The following ATRN variants were observed in gnomAD, a reference collection of about 807,000 sequenced individuals.
The protein encoded by ATRN is attractin-2.
Under a neutral mutation model 178.7 loss-of-function variants are expected in ATRN, and 54 were observed. The ratio of observed to expected loss-of-function variants is 0.30; its 90% CI spans 0.24 to 0.38. The LOEUF (loss-of-function observed/expected upper bound fraction) is 0.38, where lower values mean the gene tolerates loss of function less well. Ranked by LOEUF, ATRN falls within the 10% of genes least tolerant of loss-of-function variation. The probability of loss-of-function intolerance (pLI) is 1.00; values close to 1 mark genes in which losing one functional copy is unlikely to be tolerated. For synonymous variants in ATRN, 636 were observed against 663.0 expected, an observed-to-expected ratio of 0.96 and a Z score of 0.63; for missense variants, 1,443 against 1,815.1, an observed-to-expected ratio of 0.79 and a Z score of 3.73.
intron 1 of ATRN, chr20:3,491,055 T>A (rs371269453): frequency 3.2e-6 from 3 of 944,472 alleles, no homozygotes; most frequent in East Asian, 2.4e-5. Flanking sequence ...AGTTGTTTGC[T>A]GCTGGTTAAA....
Position 3,549,309 on chromosome 20 carries a change from C to T in ATRN, c.1083C>T (p.Phe361=), listed in dbSNP as rs775631692. 1 of 1,604,004 alleles carries T rather than the reference C, an allele frequency of 6.2e-7. No individual in the cohort carries two copies. Among genetic ancestry groups the T allele is most frequent in the East Asian group, 2.3e-5 (1 of 44,274 alleles). The change falls in exon 6 of 29, where the codon TTC becomes TTT. Residue 361 remains phenylalanine (F), a synonymous_variant. Transcript: ENST00000262919. ...TGTGGGTTGTTGGAGGATATATGTT[C>T]AACCACTCAGATTATAACATGGTTC... The part of the protein sequence containing the change: ...NIMWVVGGYM[F]NHSDYNMVLA...
At chr20:3,605,161 A>G (rs1166080475) in intron 24 of ATRN, among the ~76,000 whole-genome samples, 1 of 152,202 alleles carries the variant, frequency 6.6e-6, no homozygotes, top group African/African-American at 2.4e-5. Flanking sequence ...AAAAAGTTCA[A>G]CATCACTGAT....
chr20:3,605,373 A>G (rs1029314171), intron 24 of ATRN, among the ~76,000 whole-genome samples: 2 of 152,182 alleles, frequency 1.3e-5, no homozygotes, highest in African/African-American at 4.8e-5. Flanking sequence ...TAGAGGCAGA[A>G]ATACCATTTG....
chr20:3,564,781 C>T (rs942398907), intron 10 of ATRN, among the ~76,000 whole-genome samples: 3 of 152,062 alleles, frequency 2.0e-5, no homozygotes, highest in Non-Finnish European at 4.4e-5. Context: ...AAAAAACATT[C>T]TTGGCTGGGC....
In ATRN at chr20:3,647,790, T is replaced by A. The variant is rs1317430037; in HGVS notation, c.*943T>A. ...GATTTGCAGCCAGGAAAGAATTTTC[T>A]CACCCAAGGAACATTTGATCTAGCA... On this transcript the variant is annotated 3_prime_UTR_variant, in exon 29 of 29. Coordinates refer to ENST00000262919, the MANE Select transcript of ATRN (RefSeq NM_139321.3). 2 of 152,342 alleles carry A rather than the reference T, an allele frequency of 1.3e-5. No homozygotes were observed. The highest frequency in any genetic ancestry group is 3.9e-4 in the East Asian group (2 of 5,186). The allele number at this position is 152,342 out of a possible 1,614,324, so 9.4% of individuals were successfully genotyped here. A position where few individuals can be genotyped will look rare whatever the true frequency, so the allele number is the denominator to read the frequency against.
At chr20:3,536,453 C>G (rs923731375) in intron 2 of ATRN, among the ~76,000 whole-genome samples, 2 of 152,048 alleles carry the variant, frequency 1.3e-5, no homozygotes, top group African/African-American at 4.8e-5. Flanking sequence ...TCAAGTGATC[C>G]GCCTGCCTTG....
Position 3,591,317 on chromosome 20 carries a change from T to C in ATRN, c.3322+11T>C, listed in dbSNP as rs1347685293. 2 of 1,612,968 alleles carry C rather than the reference T, an allele frequency of 1.2e-6. No homozygotes were observed. The highest frequency in any genetic ancestry group is 1.7e-4 in the Middle Eastern group (1 of 6,058). On this transcript the variant is annotated intron_variant, in intron 19 of 28. Transcript: ENST00000262919. The stretch of plus-strand genomic sequence containing the variant: ...GAGGGAAATGTCAGCGTAAGTCAAA[T>C]TGGTCAGGTTTACTCATGGCAAATC...
chr20:3,496,253 A>G (rs1051607163), intron 1 of ATRN, among the ~76,000 whole-genome samples: 3 of 150,240 alleles, frequency 2.0e-5, no homozygotes, highest in Non-Finnish European at 3.0e-5. Flanking sequence ...TAGGGTGTCA[A>G]TTTTGGATCT....
chr20:3,601,550 G>A (rs750311314), intron 23 of ATRN, among the ~76,000 whole-genome samples: 1 of 152,096 alleles, frequency 6.6e-6, no homozygotes, highest in Non-Finnish European at 1.5e-5. Flanking sequence ...AAGATCTACT[G>A]TATAGAAAAT....
At chr20:3,521,086 G>A (rs969789045) in intron 1 of ATRN, among the ~76,000 whole-genome samples, 3 of 152,136 alleles carry the variant, frequency 2.0e-5, no homozygotes, top group Admixed American at 6.6e-5. Context: ...AATAGACAGG[G>A]GGTACTACTT....
rs1264239849 is a variant in ATRN at position 3,644,289 on chromosome 20, G to GAA, written c.4165+23_4165+24dup. On this transcript the variant is annotated intron_variant, in intron 28 of 28. Transcript: ENST00000262919. ...GTCAGGTGAGTAGATGCGGTCCAGCGAAAGACACCTTCTAAGCATGTGAGG... is the reference window on the plus strand; with the variant it reads ...GTCAGGTGAGTAGATGCGGTCCAGCGAAAAAGACACCTTCTAAGCATGTGAGG... 3 of 1,559,262 alleles carry GAA rather than the reference G, an allele frequency of 1.9e-6. No individual in the cohort carries two copies. The African/African-American group carries it at 4.1e-5, about 21-fold the overall frequency.
chr20:3,624,107 A>G (rs2064945), intron 24 of ATRN, among the ~76,000 whole-genome samples: 70,842 of 152,148 alleles, frequency 0.47, 18,183 homozygotes, highest in African/African-American at 0.69. Context: ...AATGTTGACC[A>G]AATGAAGAGC....
intron 1 of ATRN, among the ~76,000 whole-genome samples, chr20:3,533,969 T>C (rs1440529033): frequency 6.6e-6 from 1 of 152,192 alleles, no homozygotes; most frequent in Non-Finnish European, 1.5e-5. Context: ...CACCTAATTT[T>C]AATTGATACA....
At chr20:3,635,973 A>G (rs2087022257) in intron 26 of ATRN, among the ~76,000 whole-genome samples, 4 of 152,238 alleles carry the variant, frequency 2.6e-5, no homozygotes, top group African/African-American at 7.2e-5. Context: ...GTAAGAAAGA[A>G]GTAAGAAGCC....
chr20:3,533,525 C>G (rs1445740394), intron 1 of ATRN, among the ~76,000 whole-genome samples: 2 of 151,302 alleles, frequency 1.3e-5, no homozygotes, highest in African/African-American at 4.8e-5. Flanking sequence ...CCCCCGTTTT[C>G]TTTTCCTCCT....
intron 1 of ATRN, 32 bp downstream of exon 1, chr20:3,471,549 C>A: frequency 7.3e-7 from 1 of 1,375,788 alleles, no homozygotes; most frequent in South Asian, 1.7e-5. Context: ...AGGGTCGGGT[C>A]CAACCAGAGG....
At chr20:3,512,382 T>C (rs966476838) in intron 1 of ATRN, among the ~76,000 whole-genome samples, 4 of 151,726 alleles carry the variant, frequency 2.6e-5, no homozygotes, top group African/African-American at 9.7e-5. Context: ...CTTGCGATAG[T>C]TTGCTGAGAA....
At position 3,590,807 on chromosome 20, in the gene ATRN, G is replaced by T. The variant is rs574486254; in HGVS notation, c.3185-362G>T. On this transcript the variant is annotated intron_variant, in intron 18 of 28. Coordinates refer to ENST00000262919, the MANE Select transcript of ATRN (RefSeq NM_139321.3). ...CTTCTGGTATAGAAAAATACCAGAA[G>T]AAAATATATCAAATGTGAACAGTGG... 3.9e-4 allele frequency among the ~76,000 whole-genome samples: 59 copies of T among 152,190 alleles called. 1 individual carries two copies. Among genetic ancestry groups the T allele is most frequent in the South Asian group, 2.1e-3 (10 of 4,820 alleles).
At position 3,630,916 on chromosome 20, in the gene ATRN, CTTTTTTT is replaced by C. The variant is rs368394749; in HGVS notation, c.3864-3353_3864-3347del. 1.7e-3 allele frequency among the ~76,000 whole-genome samples: 75 copies of C among 43,456 alleles called. 6 individuals are homozygous for C. The highest frequency in any genetic ancestry group is 5.7e-3 in the African/African-American group (58 of 10,156). The allele number at this position is 43,456 out of a possible 152,430, so 28.5% of individuals were successfully genotyped here. A position where few individuals can be genotyped will look rare whatever the true frequency, so the allele number is the denominator to read the frequency against. On this transcript the variant is annotated intron_variant, in intron 25 of 28. Transcript: ENST00000262919. ...ACCATGTCTAAAAGAATTTATTTAG[CTTTTTTT>C]TTTTTTTTTTTTTTTTTTTTTTTTT...
Sources: gnomAD v4.1 joint callset for allele counts (sites outside exome capture counted in the v4.1 genomes callset) on GRCh38, gnomAD v4.1.1 for gene constraint, MANE v1.5 for transcripts, NCBI Gene and HGNC (gene_info 2026-07-23, HGNC 2026-07-21) for gene names.